ADORA2B: variants seen among roughly 807,000 people sequenced by gnomAD.
The protein encoded by ADORA2B is adenosine A2b receptor, also known as adenosine receptor A2b.
ADORA2B carries 18 observed loss-of-function variants against 20.8 expected under a neutral mutation model. The observed-to-expected ratio is 0.87, with a 90% CI of 0.60 to 1.29. ADORA2B has a LOEUF of 1.29. Among genes scored for constraint, ADORA2B ranks in the 50% most tolerant of loss-of-function variants. The pLI is 0.00. For missense variants in ADORA2B, 441 were observed against 422.7 expected (o/e 1.04, Z -0.38); for synonymous variants, 179 against 178.3 (o/e 1.00, Z -0.03).
chr17:15,866,867 C>T, the ADORA2B span, among the ~76,000 whole-genome samples: 2 of 152,252 alleles, frequency 1.3e-5, no homozygotes, highest in Non-Finnish European at 2.9e-5. Flanking sequence ...GCCATCTCAG[C>T]TCACTGCAAC....
At chr17:15,895,942 C>T in the ADORA2B span, among the ~76,000 whole-genome samples, 1 of 152,140 alleles carries the variant, frequency 6.6e-6, no homozygotes, top group Non-Finnish European at 1.5e-5. Context: ...ACATGCTGCT[C>T]TTTTTAGTAA....
At chr17:15,953,126 G>A (rs1050733112) in intron 1 of ADORA2B, among the ~76,000 whole-genome samples, 3 of 152,156 alleles carry the variant, frequency 2.0e-5, no homozygotes, top group African/African-American at 4.8e-5. Flanking sequence ...TGCAGGGTGC[G>A]CAGGAGCAGG....
chr17:15,930,321 G>C, the ADORA2B span, among the ~76,000 whole-genome samples: 1 of 147,974 alleles, frequency 6.8e-6, no homozygotes, highest in African/African-American at 2.5e-5. Flanking sequence ...TTTTGAGACA[G>C]GGTCTCACTC....
At chr17:15,963,644 C>T (rs1970066430) in intron 1 of ADORA2B, among the ~76,000 whole-genome samples, 1 of 152,100 alleles carries the variant, frequency 6.6e-6, no homozygotes, top group East Asian at 1.9e-4. Flanking sequence ...CCCATGTGAT[C>T]CATGAAAACA....
At chr17:15,940,404 G>A (rs1286908156), upstream of ADORA2B, among the ~76,000 whole-genome samples, 1 of 152,212 alleles carries the variant, frequency 6.6e-6, no homozygotes, top group Non-Finnish European at 1.5e-5. Context: ...GTCCTTGGAT[G>A]TCGGAGAGAA....
At chr17:15,956,909 T>C (rs1250529484) in intron 1 of ADORA2B, among the ~76,000 whole-genome samples, 1 of 152,158 alleles carries the variant, frequency 6.6e-6, no homozygotes, top group Non-Finnish European at 1.5e-5. Flanking sequence ...CTGTGTGTCT[T>C]TACTGTCATT....
At chr17:15,875,374 A>G in the ADORA2B span, among the ~76,000 whole-genome samples, 1 of 152,170 alleles carries the variant, frequency 6.6e-6, no homozygotes, top group South Asian at 2.1e-4. Flanking sequence ...CCTACTGTGA[A>G]AGATGAGGAT....
chr17:15,868,648 C>T, the ADORA2B span, among the ~76,000 whole-genome samples: 4 of 132,120 alleles, frequency 3.0e-5, 1 homozygote, highest in Admixed American at 2.3e-4. Flanking sequence ...GGCGTAGTGG[C>T]AGGCACCTGT....
the ADORA2B span, among the ~76,000 whole-genome samples, chr17:15,876,747 T>C: frequency 6.6e-6 from 1 of 152,166 alleles, no homozygotes; most frequent in African/African-American, 2.4e-5. Context: ...ACTTCAGTTT[T>C]CTTACTTTAA....
At chr17:15,853,135 T>C in the ADORA2B span, among the ~76,000 whole-genome samples, 2 of 151,844 alleles carry the variant, frequency 1.3e-5, no homozygotes, top group African/African-American at 2.4e-5. Flanking sequence ...GAAACCTTAA[T>C]ATCAAAGGAG....
At chr17:15,970,639 G>T (rs1256647887) in intron 1 of ADORA2B, among the ~76,000 whole-genome samples, 1 of 152,158 alleles carries the variant, frequency 6.6e-6, no homozygotes, top group African/African-American at 2.4e-5. Flanking sequence ...GGACTAGAAA[G>T]ATAAAAGTCC....
At chr17:15,917,912 C>A in the ADORA2B span, among the ~76,000 whole-genome samples, 3 of 152,256 alleles carry the variant, frequency 2.0e-5, no homozygotes, top group Admixed American at 2.0e-4. Flanking sequence ...CCAGCCCCGC[C>A]TCCTGCCGCT....
At chr17:15,897,645 C>G in the ADORA2B span, among the ~76,000 whole-genome samples, 1 of 152,106 alleles carries the variant, frequency 6.6e-6, no homozygotes, top group Non-Finnish European at 1.5e-5. Flanking sequence ...TTATCAAAGG[C>G]TACAATAGAC....
chr17:15,952,149 G>A (rs1037302464), intron 1 of ADORA2B, among the ~76,000 whole-genome samples: 2 of 152,156 alleles, frequency 1.3e-5, no homozygotes, highest in Non-Finnish European at 2.9e-5. Flanking sequence ...TCCTTTCTCG[G>A]TGACCACGTG....
intron 1 of ADORA2B, among the ~76,000 whole-genome samples, chr17:15,948,311 C>T (rs199931070): frequency 2.4e-4 from 1 of 4,226 alleles, no homozygotes; most frequent in African/African-American, 2.7e-4. Context: ...TGGCCTGGCC[C>T]TTTGCCTTCA....
chr17:15,909,364 A>T, the ADORA2B span, among the ~76,000 whole-genome samples: 3 of 152,248 alleles, frequency 2.0e-5, no homozygotes, highest in African/African-American at 7.2e-5. Context: ...AATTCTAGGT[A>T]ACAATGTTAA....
the ADORA2B span, among the ~76,000 whole-genome samples, chr17:15,933,123 T>A: frequency 6.6e-6 from 1 of 152,044 alleles, no homozygotes; most frequent in South Asian, 2.1e-4. Flanking sequence ...GCCCGACTAA[T>A]TTTTTATATC....
the ADORA2B span, among the ~76,000 whole-genome samples, chr17:15,855,467 G>A: frequency 5.3e-5 from 8 of 152,110 alleles, no homozygotes; most frequent in Non-Finnish European, 1.2e-4. Context: ...AAGCAAAACG[G>A]TATGCAAAGC....
At chr17:15,915,653 ATG>A in the ADORA2B span, among the ~76,000 whole-genome samples, 6 of 152,350 alleles carry the variant, frequency 3.9e-5, no homozygotes, top group African/African-American at 1.4e-4. Flanking sequence ...GAACTGCCCC[ATG>A]TGACTATGGA....
Sources: gnomAD v4.1 joint callset for allele counts (sites outside exome capture counted in the v4.1 genomes callset) on GRCh38, gnomAD v4.1.1 for gene constraint, MANE v1.5 for transcripts, NCBI Gene and HGNC (gene_info 2026-07-23, HGNC 2026-07-21) for gene names.